Variants in SYTL3 observed in about 807,000 individuals in gnomAD.
SYTL3 encodes synaptotagmin like 3.
A neutral mutation model predicts 82.1 loss-of-function variants in SYTL3; 88 were observed. The observed-to-expected ratio is 1.07, with a 90% CI of 0.90 to 1.28. The LOEUF is 1.28. Among genes scored for constraint, SYTL3 ranks in the 50% most tolerant of loss-of-function variants. SYTL3 has a pLI of 0.00. For missense variants in SYTL3, 831 were observed against 757.6 expected (o/e 1.10, Z -1.14); for synonymous variants, 311 against 289.4 (o/e 1.07, Z -0.76).
intron 15 of SYTL3, among the ~76,000 whole-genome samples, chr6:158,761,684 C>G (rs927397374): frequency 6.6e-6 from 1 of 152,218 alleles, no homozygotes; most frequent in African/African-American, 2.4e-5. Flanking sequence ...CCCAAGTTCA[C>G]GGGGTCACCA....
At chr6:158,675,311 G>T (rs1012235564) in intron 5 of SYTL3, among the ~76,000 whole-genome samples, 16 of 152,130 alleles carry the variant, frequency 1.1e-4, no homozygotes, top group African/African-American at 3.9e-4. Context: ...AGAGTTATTC[G>T]TGTTTTGTAA....
At chr6:158,687,942 C>T (rs1205347837) in intron 6 of SYTL3, among the ~76,000 whole-genome samples, 2 of 152,234 alleles carry the variant, frequency 1.3e-5, no homozygotes, top group Admixed American at 1.3e-4. Context: ...CACGTGTACA[C>T]ACCTGCACAC....
intron 2 of SYTL3, 63 bp from the exon 3 acceptor site, chr6:158,661,206 A>C (rs1789342337): frequency 6.6e-6 from 1 of 152,266 alleles, no homozygotes; most frequent in African/African-American, 2.4e-5. Flanking sequence ...TTGATGGCTA[A>C]TTTGCACCTT....
At chr6:158,734,027 G>A (rs977604699) in intron 11 of SYTL3, among the ~76,000 whole-genome samples, 8 of 148,910 alleles carry the variant, frequency 5.4e-5, no homozygotes, top group African/African-American at 2.0e-4. Context: ...CCTGGGAGGT[G>A]GAGCTTGCAG....
rs754134758 is a variant in SYTL3, at chr6:158,713,928, G to A, written c.595+50G>A. On this transcript the variant is annotated intron_variant, in intron 9 of 17. Transcript: ENST00000611299. Reference sequence around the variant, plus strand: ...TTTCCCACTACCTTCCAGGCCAGCCGAGCCCACTGGCCAGGGCCTGGCCGG... The same window carrying A: ...TTTCCCACTACCTTCCAGGCCAGCCAAGCCCACTGGCCAGGGCCTGGCCGG... 59 of 1,391,816 alleles carry A rather than the reference G, an allele frequency of 4.2e-5. No individual in the cohort carries two copies. In the Middle Eastern group the frequency reaches 5.3e-4, roughly 12 times the overall value. 86.2% of individuals were successfully genotyped at this position (1,391,816 alleles called of 1,614,324 possible). A position where few individuals can be genotyped will look rare whatever the true frequency, so the allele number is the denominator to read the frequency against.
At chr6:158,666,166 G>A (rs530701900) in intron 5 of SYTL3, among the ~76,000 whole-genome samples, 2 of 152,300 alleles carry the variant, frequency 1.3e-5, no homozygotes, top group South Asian at 4.1e-4. Flanking sequence ...TCTTAACTAA[G>A]TGCTGTCATT....
chr6:158,702,111 G>A (rs1220486992), intron 6 of SYTL3, among the ~76,000 whole-genome samples: 1 of 151,798 alleles, frequency 6.6e-6, no homozygotes, highest in African/African-American at 2.4e-5. Flanking sequence ...TAGCTGGATG[G>A]GAGGATCACT....
chr6:158,764,505 A>AGCT lies in SYTL3; in HGVS notation c.1736_1738dup (p.Ala579dup). The AGCT allele has an allele frequency of 1.2e-6, 2 of 1,613,576 alleles. No individual in the cohort carries two copies. The highest frequency in any genetic ancestry group is 1.7e-6 in the Non-Finnish European group (2 of 1,179,696). On this transcript the variant is annotated inframe_insertion, in exon 18 of 18. Coordinates refer to ENST00000611299, the MANE Select transcript of SYTL3 (RefSeq NM_001242394.2). ...CTTCCTCTCTTACAGAGGGAGACAC[A>AGCT]GCTGTTGGCGGGGATGCATGCTCAC... is the stretch of plus-strand genomic sequence containing the variant.
rs1251540105 is a variant in SYTL3, at chr6:158,760,675, T to C, written c.1344T>C (p.Asn448=). ...EKYEDSVPQS[N]GELTVRAKLV... is the part of the protein sequence containing the mutation. ...ACGAAGACAGCGTTCCTCAGAGTAA[T>C]GGAGAGCTCACAGTCCGGGCTAAGC... Residue 448 remains asparagine, a synonymous_variant, in exon 15 of 18, where the codon AAT becomes AAC. Coordinates refer to ENST00000611299, the MANE Select transcript of SYTL3 (RefSeq NM_001242394.2). 3.7e-6 allele frequency: 6 copies of C among 1,614,090 alleles called. No individual in the cohort carries two copies. The highest frequency in any genetic ancestry group is 2.7e-5 in the African/African-American group (2 of 75,032).
intron 6 of SYTL3, among the ~76,000 whole-genome samples, chr6:158,701,626 G>C (rs1781312867): frequency 6.6e-6 from 1 of 151,598 alleles, no homozygotes; most frequent in African/African-American, 2.4e-5. Context: ...GACTGGGGCT[G>C]AGCGAAGGAG....
Position 158,663,095 on chromosome 6 carries a change from C to T in SYTL3, c.-174C>T, listed in dbSNP as rs1789557195. The T allele has an allele frequency of 1.7e-6, 1 of 595,238 alleles. No homozygotes were observed. The highest frequency in any genetic ancestry group is 3.0e-5 in the Admixed American group (1 of 33,112). 36.9% of individuals were successfully genotyped at this position (595,238 alleles called of 1,614,324 possible). On this transcript the variant is annotated 5_prime_UTR_variant, in exon 4 of 18. Transcript: ENST00000611299. ...GGCTTTCTTCTTCTAAGGAGTATGA[C>T]ACAGTTAAAAAGGAAAAAAGAACCA...
chr6:158,704,706 A>C (rs1052323518), intron 6 of SYTL3, among the ~76,000 whole-genome samples: 19 of 152,262 alleles, frequency 1.2e-4, no homozygotes, highest in Non-Finnish European at 2.6e-4. Context: ...CGCCATAGGG[A>C]GTCACTGAAG....
At chr6:158,711,457 T>G (rs925919240) in intron 8 of SYTL3, among the ~76,000 whole-genome samples, 1 of 152,182 alleles carries the variant, frequency 6.6e-6, no homozygotes, top group African/African-American at 2.4e-5. Context: ...ACAAGCCATC[T>G]GCAAACTGGA....
At chr6:158,677,314 C>A (rs1009157932) in intron 5 of SYTL3, among the ~76,000 whole-genome samples, 3 of 152,082 alleles carry the variant, frequency 2.0e-5, no homozygotes, top group African/African-American at 7.2e-5. Context: ...GGACAAAAAA[C>A]CAAACACCGC....
chr6:158,730,332 G>A (rs9456346), intron 11 of SYTL3, among the ~76,000 whole-genome samples: 6,337 of 152,334 alleles, frequency 0.042, 181 homozygotes, highest in Non-Finnish European at 0.066. Flanking sequence ...GTGTGCTGTC[G>A]TCATTGTTCC....
At chr6:158,666,706 T>C (rs1317245976) in intron 5 of SYTL3, among the ~76,000 whole-genome samples, 1 of 152,200 alleles carries the variant, frequency 6.6e-6, no homozygotes, top group Non-Finnish European at 1.5e-5. Context: ...GTGTGGGCAT[T>C]GTGGCTGGGG....
intron 10 of SYTL3, among the ~76,000 whole-genome samples, chr6:158,723,098 T>TTC (rs1389712270): frequency 7.0e-6 from 1 of 141,918 alleles, no homozygotes; most frequent in Non-Finnish European, 1.5e-5. Context: ...TCTTTTTTTT[T>TTC]TTTTTTTTTT....
chr6:158,665,759 GC>G (rs1789977935), intron 5 of SYTL3, 146 bp downstream of exon 5: 2 of 568,216 alleles, frequency 3.5e-6, no homozygotes, highest in East Asian at 5.9e-5. Flanking sequence ...TACCTTTCTA[GC>G]CTTGGAAGTT....
intron 12 of SYTL3, among the ~76,000 whole-genome samples, chr6:158,750,383 A>G (rs3102987): frequency 0.16 from 24,260 of 152,198 alleles, 2,363 homozygotes; most frequent in Middle Eastern, 0.22. Context: ...GCACTTTATT[A>G]TAATGCTTCC....
Sources: allele counts gnomAD v4.1 joint callset (sites outside exome capture counted in the v4.1 genomes callset), GRCh38; gene constraint gnomAD v4.1.1; transcripts MANE v1.5; gene names NCBI Gene and HGNC (gene_info 2026-07-23, HGNC 2026-07-21).